The following LMBR1 variants were observed in gnomAD, a reference collection of about 807,000 sequenced individuals.
The protein encoded by LMBR1 is limb development membrane protein 1.
In LMBR1, 52 loss-of-function variants were observed where a neutral mutation model predicts 73.9. The ratio of observed to expected loss-of-function variants is 0.70; its 90% CI spans 0.56 to 0.89. The LOEUF is 0.89. Among genes scored for constraint, LMBR1 ranks in the 40% least tolerant of loss-of-function variants. The pLI is 0.00. For synonymous variants in LMBR1, 215 were observed against 209.4 expected (o/e 1.03, Z -0.23); for missense variants, 539 against 579.8 (o/e 0.93, Z 0.72).
chr7:156,697,590 G>A (rs1459432723), intron 15 of LMBR1, among the ~76,000 whole-genome samples: 1 of 152,128 alleles, frequency 6.6e-6, no homozygotes, highest in Non-Finnish European at 1.5e-5. Flanking sequence ...TCCTTTCTAG[G>A]AAATGAATTT....
At chr7:156,672,797 C>T (rs769000220), downstream of LMBR1, among the ~76,000 whole-genome samples, 15 of 152,234 alleles carry the variant, frequency 9.9e-5, no homozygotes, top group Non-Finnish European at 1.6e-4. Flanking sequence ...GCACGCACAG[C>T]GATACCCATG....
rs750006619 is a variant in LMBR1 at position 156,736,525 on chromosome 7, ATCCATTT to A, written c.758-2275_758-2269del. The A allele has an allele frequency of 4.5e-4, 207 of 456,740 alleles. 5 individuals carry two copies. The highest frequency in any genetic ancestry group is 3.2e-3 in the South Asian group (205 of 64,552). 28.3% of individuals were successfully genotyped at this position (456,740 alleles called of 1,614,324 possible). ...TGCTATCATGTCTCCTCCCTCCTGAATCCATTTTCCCAAAAGTAGCTGTCCAGCTTGT... is the reference window on the plus strand; with the variant it reads ...TGCTATCATGTCTCCTCCCTCCTGAATCCCAAAAGTAGCTGTCCAGCTTGT... On this transcript the variant is annotated intron_variant, in intron 9 of 16. Transcript: ENST00000353442.
chr7:156,763,540 T>A (rs1823523796), intron 6 of LMBR1, 129 bp downstream of exon 6: 1 of 706,418 alleles, frequency 1.4e-6, no homozygotes, highest in African/African-American at 1.9e-5. Context: ...ATTTCTTAAT[T>A]CTGTAAATTA....
chr7:156,800,480 C>G (rs755558709), intron 4 of LMBR1, among the ~76,000 whole-genome samples: 891 of 54,548 alleles, frequency 0.016, 9 homozygotes, highest in Non-Finnish European at 0.021. Context: ...AGACTTGCTA[C>G]TCAAAAAAAA....
At chr7:156,872,172 C>G (rs905217529) in intron 1 of LMBR1, 4 of 151,864 alleles carry the variant, frequency 2.6e-5, no homozygotes, top group African/African-American at 9.7e-5. Context: ...GCCATGATGA[C>G]TTGTAATGCA....
chr7:156,779,397 GAATT>G (rs1585736446), intron 5 of LMBR1, among the ~76,000 whole-genome samples: 1 of 152,258 alleles, frequency 6.6e-6, no homozygotes, highest in South Asian at 2.1e-4. Context: ...GTAAGCTATA[GAATT>G]AATCACGTTA....
At chr7:156,805,419 T>C (rs978037940) in intron 4 of LMBR1, among the ~76,000 whole-genome samples, 3 of 152,142 alleles carry the variant, frequency 2.0e-5, no homozygotes, top group Non-Finnish European at 4.4e-5. Flanking sequence ...TTTCACCATG[T>C]TGGTCAGGCT....
chr7:156,880,311 C>T (rs1800887964), intron 1 of LMBR1, among the ~76,000 whole-genome samples: 1 of 152,034 alleles, frequency 6.6e-6, no homozygotes, highest in African/African-American at 2.4e-5. Context: ...GATGCAAAGG[C>T]ATAAGAATGA....
intron 5 of LMBR1, among the ~76,000 whole-genome samples, chr7:156,788,747 G>C (rs1437862052): frequency 6.6e-6 from 1 of 152,120 alleles, no homozygotes; most frequent in Non-Finnish European, 1.5e-5. Context: ...GGAGATCTGA[G>C]AATCATTTGG....
chr7:156,836,993 A>G, intron 1 of LMBR1, 108 bp from the exon 2 acceptor site: 1 of 727,390 alleles, frequency 1.4e-6, no homozygotes, highest in East Asian at 2.8e-5. Flanking sequence ...AAACTACTAA[A>G]AAGTTAAAAT....
At chr7:156,780,185 G>A (rs1025849755) in intron 5 of LMBR1, among the ~76,000 whole-genome samples, 1 of 152,130 alleles carries the variant, frequency 6.6e-6, no homozygotes, top group African/African-American at 2.4e-5. Context: ...AATATGCTAT[G>A]CAGTCTATTT....
chr7:156,695,550 C>G (rs1808105877), intron 15 of LMBR1, among the ~76,000 whole-genome samples: 1 of 152,010 alleles, frequency 6.6e-6, no homozygotes, highest in Non-Finnish European at 1.5e-5. Flanking sequence ...TTGGGGGAGG[C>G]ACCCGACACT....
chr7:156,879,352 A>G (rs1453100861), intron 1 of LMBR1, among the ~76,000 whole-genome samples: 3 of 152,148 alleles, frequency 2.0e-5, no homozygotes, highest in Non-Finnish European at 4.4e-5. Context: ...CAAGAGAAAA[A>G]CAAACAATCC....
intron 15 of LMBR1, among the ~76,000 whole-genome samples, chr7:156,695,438 G>A (rs1808082582): frequency 6.6e-6 from 1 of 152,178 alleles, no homozygotes. Context: ...CATGATACTG[G>A]CATCTGCTCA....
At chr7:156,891,233 TACACAC>T (rs68193998) in intron 1 of LMBR1, among the ~76,000 whole-genome samples, 14 of 68,854 alleles carry the variant, frequency 2.0e-4, no homozygotes, top group Non-Finnish European at 2.3e-4. Context: ...TATATATATA[TACACAC>T]ACACACACAC....
downstream of LMBR1, among the ~76,000 whole-genome samples, chr7:156,673,906 T>TAAAAAAAA (rs3030984): frequency 2.0e-5 from 2 of 100,862 alleles, no homozygotes; most frequent in African/African-American, 8.4e-5. Flanking sequence ...TCCACATTAA[T>TAAAAAAAA]AAAAAAAAAA....
chr7:156,805,250 C>T (rs1465807823), intron 4 of LMBR1, among the ~76,000 whole-genome samples: 2 of 132,636 alleles, frequency 1.5e-5, no homozygotes, highest in South Asian at 2.4e-4. Flanking sequence ...CAAAGTCTTG[C>T]TCTGTCATCC....
At chr7:156,838,286 A>T (rs1838021247) in intron 1 of LMBR1, among the ~76,000 whole-genome samples, 1 of 152,300 alleles carries the variant, frequency 6.6e-6, no homozygotes, top group Admixed American at 6.5e-5. Flanking sequence ...GTTATTTATT[A>T]TAGTCTTCAT....
At chr7:156,767,635 C>A (rs1379692603) in intron 5 of LMBR1, among the ~76,000 whole-genome samples, 2 of 151,540 alleles carry the variant, frequency 1.3e-5, no homozygotes, top group African/African-American at 4.8e-5. Context: ...GTAATAGTAA[C>A]TAGTATCAAA....
Sources: allele counts gnomAD v4.1 joint callset (sites outside exome capture counted in the v4.1 genomes callset), GRCh38; gene constraint gnomAD v4.1.1; transcripts MANE v1.5; gene names NCBI Gene and HGNC (gene_info 2026-07-23, HGNC 2026-07-21).